Variants in ACAA2 observed in about 807,000 individuals in gnomAD.
ACAA2 encodes the protein acetyl-CoA acyltransferase 2.
In ACAA2, 35 loss-of-function variants were observed where a neutral mutation model predicts 44.8. The observed-to-expected ratio is 0.78, with a 90% CI of 0.60 to 1.04. The LOEUF (loss-of-function observed/expected upper bound fraction) is 1.04, where lower values mean the gene tolerates loss of function less well. ACAA2 is among the 50% of genes least tolerant of loss of function. The pLI is 0.00. For missense variants in ACAA2, 468 were observed against 482.6 expected (o/e 0.97, Z 0.28); for synonymous variants, 142 against 166.5 (o/e 0.85, Z 1.13).
chr18:49,790,018 G>A (rs1008469864), intron 7 of ACAA2, among the ~76,000 whole-genome samples: 1 of 152,162 alleles, frequency 6.6e-6, no homozygotes, highest in Non-Finnish European at 1.5e-5. Context: ...CAAAATCTAA[G>A]GGTGTGGGGG....
chr18:49,794,484 T>C (rs904469541), intron 4 of ACAA2, 57 bp from the exon 5 acceptor site: 4 of 1,300,832 alleles, frequency 3.1e-6, no homozygotes, highest in South Asian at 2.3e-5. Context: ...AAAAGTAATA[T>C]GTTATAATTT....
chr18:49,785,089 G>T, intron 9 of ACAA2, 108 bp downstream of exon 9: 1 of 1,339,988 alleles, frequency 7.5e-7, no homozygotes, highest in Non-Finnish European at 1.0e-6. Flanking sequence ...AGCCAGTGCA[G>T]GAGACATGAA....
At chr18:49,811,299 G>A (rs56000152) in intron 1 of ACAA2, 3 of 152,166 alleles carry the variant, frequency 2.0e-5, no homozygotes, top group African/African-American at 7.2e-5. Context: ...TATTCACTTA[G>A]AGCAACTTCA....
chr18:49,808,968 A>C (rs1323145493), intron 1 of ACAA2, among the ~76,000 whole-genome samples: 1 of 152,090 alleles, frequency 6.6e-6, no homozygotes, highest in Non-Finnish European at 1.5e-5. Flanking sequence ...GGGGTATTTC[A>C]GTCCTTATCT....
At chr18:49,791,247 T>G (rs561060816) in intron 7 of ACAA2, among the ~76,000 whole-genome samples, 4 of 152,250 alleles carry the variant, frequency 2.6e-5, no homozygotes, top group Non-Finnish European at 5.9e-5. Context: ...AAATCTCAAA[T>G]GGACACTAAG....
chr18:49,789,681 A>G (rs2023375434), intron 7 of ACAA2, among the ~76,000 whole-genome samples: 2 of 152,168 alleles, frequency 1.3e-5, no homozygotes, highest in Non-Finnish European at 2.9e-5. Flanking sequence ...GTATGCAGGA[A>G]AAAAACCAAC....
chr18:49,802,705 A>C lies in ACAA2; in HGVS notation c.165T>G (p.Ile55Met), dbSNP rs1182722586. The change falls in exon 2 of 10, where the codon ATT becomes ATG. Residue 55 changes from isoleucine (I) to methionine (M), a missense_variant. Coordinates refer to ENST00000285093, the MANE Select transcript of ACAA2 (RefSeq NM_006111.3). ...KVSPETVDSV[I>M]MGNVLQSSSD... ...TACTAACCTGCAGGACATTGCCCATAATCACACTGTCAACTGTTTCAGGTG... is the reference window on the plus strand; with the variant it reads ...TACTAACCTGCAGGACATTGCCCATCATCACACTGTCAACTGTTTCAGGTG... The C allele has an allele frequency of 3.7e-6, 6 of 1,614,110 alleles. No homozygotes were observed. The highest frequency in any genetic ancestry group is 5.1e-6 in the Non-Finnish European group (6 of 1,179,990).
At chr18:49,787,233 T>C in intron 8 of ACAA2, 58 bp downstream of exon 8, 1 of 1,220,522 alleles carries the variant, frequency 8.2e-7, no homozygotes, top group South Asian at 1.9e-5. Flanking sequence ...ATTTATGCTA[T>C]AAAAGTACAT....
chr18:49,802,643 T>C (rs1250732065), intron 2 of ACAA2, 44 bp downstream of exon 2: 3 of 1,549,358 alleles, frequency 1.9e-6, no homozygotes, highest in South Asian at 1.2e-5. Context: ...TAGAAACTGA[T>C]CAAAGAAGCA....
chr18:49,783,909 C>G lies in ACAA2; in HGVS notation c.1132G>C (p.Val378Leu), dbSNP rs142211915. The change falls in exon 10 of 10, where the codon GTT becomes CTT. Residue 378 changes from valine to leucine, a missense_variant. Transcript: ENST00000285093. ...CCACCTCCAATGCAAGCTGATCCAACGGCATATTTTCCACCTCGACGCCTG... is the reference window on the plus strand; with the variant it reads ...CCACCTCCAATGCAAGCTGATCCAAGGGCATATTTTCCACCTCGACGCCTG... ...ELRRRGGKYA[V>L]GSACIGGGQG... 173 of 1,613,864 alleles carry G rather than the reference C, an allele frequency of 1.1e-4. No homozygotes were observed. Among genetic ancestry groups the G allele is most frequent in the South Asian group, 3.7e-4 (34 of 91,088 alleles).
chr18:49,793,398 CTCTA>C (rs1426792752), intron 5 of ACAA2, among the ~76,000 whole-genome samples: 1 of 152,190 alleles, frequency 6.6e-6, no homozygotes, highest in Non-Finnish European at 1.5e-5. Context: ...ATATTGTTAT[CTCTA>C]TCTTACAGAG....
intron 2 of ACAA2, among the ~76,000 whole-genome samples, chr18:49,800,161 G>A (rs1405207283): frequency 3.3e-5 from 1 of 30,636 alleles, no homozygotes; most frequent in Non-Finnish European, 7.1e-5. Context: ...CAGCCACCCC[G>A]TCTGGGAGGG....
At chr18:49,803,860 T>C (rs1037367511) in intron 1 of ACAA2, among the ~76,000 whole-genome samples, 5 of 151,700 alleles carry the variant, frequency 3.3e-5, no homozygotes, top group Non-Finnish European at 2.9e-5. Context: ...CATACTCTAC[T>C]GCATGAAACA....
At chr18:49,783,974 T>C (rs926254219) in intron 9 of ACAA2, 43 bp from the exon 10 acceptor site, 1 of 1,512,274 alleles carries the variant, frequency 6.6e-7, no homozygotes, top group Admixed American at 1.7e-5. Flanking sequence ...TAATAAAAAA[T>C]CAGATTAATG....
At chr18:49,809,506 A>T (rs1168503015) in intron 1 of ACAA2, among the ~76,000 whole-genome samples, 1 of 152,226 alleles carries the variant, frequency 6.6e-6, no homozygotes, top group Admixed American at 6.5e-5. Context: ...GAATGGATAA[A>T]CAAACTGTGG....
intron 1 of ACAA2, 152 bp downstream of exon 1, chr18:49,813,317 G>C: frequency 1.8e-6 from 1 of 548,716 alleles, no homozygotes. Context: ...AGCCTTTCGG[G>C]CTGGGTTTTT....
intron 8 of ACAA2, chr18:49,786,435 ATAAAT>A (rs971450031): frequency 2.6e-4 from 39 of 152,350 alleles, no homozygotes; most frequent in African/African-American, 7.5e-4. Context: ...CACAAATATA[ATAAAT>A]TAAACAGCCT....
intron 4 of ACAA2, 32 bp downstream of exon 4, chr18:49,795,733 A>T: frequency 7.5e-7 from 1 of 1,339,104 alleles, no homozygotes; most frequent in Non-Finnish European, 1.0e-6. Flanking sequence ...TGCTAATAAG[A>T]ACTAATTCTT....
At chr18:49,800,148 G>A (rs868495498) in intron 2 of ACAA2, among the ~76,000 whole-genome samples, 3 of 29,046 alleles carry the variant, frequency 1.0e-4, no homozygotes, top group Non-Finnish European at 2.2e-4. Context: ...GCCCCCGGCC[G>A]GCCAGCCACC....
Sources: allele counts gnomAD v4.1 joint callset (sites outside exome capture counted in the v4.1 genomes callset), GRCh38; gene constraint gnomAD v4.1.1; transcripts MANE v1.5; gene names NCBI Gene and HGNC (gene_info 2026-07-23, HGNC 2026-07-21).